BTG4: variants seen among roughly 807,000 people sequenced by gnomAD.
BTG4 encodes the protein protein BTG4.
A neutral mutation model predicts 19.3 loss-of-function variants in BTG4; 10 were observed. The observed-to-expected ratio is 0.52, with a 90% CI of 0.32 to 0.88. BTG4 has a LOEUF of 0.88. BTG4 is among the 40% of genes least tolerant of loss of function. BTG4 has a pLI of 0.04. For missense variants in BTG4, 238 were observed against 281.9 expected (o/e 0.84, Z 1.11); for synonymous variants, 91 against 95.7 (o/e 0.95, Z 0.29).
At chr11:111,514,520 T>A, upstream of BTG4, 4 of 489,688 alleles carry the variant, frequency 8.2e-6, no homozygotes, top group South Asian at 8.7e-5. Context: ...GAAGCTAAAC[T>A]ACTCCCCCAC....
chr11:111,387,909 C>A, the BTG4 span, among the ~76,000 whole-genome samples: 1 of 151,956 alleles, frequency 6.6e-6, no homozygotes, highest in African/African-American at 2.4e-5. Context: ...CATTACTGAG[C>A]ACCACACACT....
chr11:111,419,872 T>C, the BTG4 span, among the ~76,000 whole-genome samples: 1 of 152,254 alleles, frequency 6.6e-6, no homozygotes, highest in Non-Finnish European at 1.5e-5. Context: ...GGGTGCCAGT[T>C]GGCTAAGTGC....
chr11:111,391,058 A>G, the BTG4 span, among the ~76,000 whole-genome samples: 2 of 152,224 alleles, frequency 1.3e-5, no homozygotes, highest in Non-Finnish European at 2.9e-5. Flanking sequence ...AAAAACAGTA[A>G]TAGAGTATGT....
At chr11:111,475,122 C>T (rs532410067) in intron 5 of BTG4, 1 of 152,536 alleles carries the variant, frequency 6.6e-6, no homozygotes, top group Admixed American at 6.5e-5. Flanking sequence ...ATGGTAATCT[C>T]ATTTCAGTCT....
chr11:111,416,408 C>T, the BTG4 span: 3 of 151,978 alleles, frequency 2.0e-5, no homozygotes, highest in Admixed American at 1.3e-4. Context: ...GGTAGGTGTG[C>T]CTCTAATTTC....
the BTG4 span, among the ~76,000 whole-genome samples, chr11:111,387,272 C>T: frequency 2.0e-5 from 3 of 152,176 alleles, no homozygotes; most frequent in African/African-American, 7.2e-5. Context: ...AAGATTCAAA[C>T]CACCTCTCAT....
the BTG4 span, among the ~76,000 whole-genome samples, chr11:111,439,299 C>A: frequency 1.3e-5 from 2 of 152,234 alleles, no homozygotes; most frequent in African/African-American, 2.4e-5. Flanking sequence ...CTTTGCCCAG[C>A]GCATTGTGGC....
At chr11:111,394,060 T>G in the BTG4 span, among the ~76,000 whole-genome samples, 1 of 152,214 alleles carries the variant, frequency 6.6e-6, no homozygotes, top group Non-Finnish European at 1.5e-5. Flanking sequence ...AGATACTGCA[T>G]GAAAAGGCAC....
the BTG4 span, among the ~76,000 whole-genome samples, chr11:111,405,661 C>A: frequency 4.9e-4 from 75 of 152,152 alleles, no homozygotes; most frequent in South Asian, 1.0e-3. Context: ...GGAGGGCTAC[C>A]TGAAATTATG....
At chr11:111,396,006 G>A in the BTG4 span, among the ~76,000 whole-genome samples, 31 of 152,298 alleles carry the variant, frequency 2.0e-4, no homozygotes, top group East Asian at 1.2e-3. Flanking sequence ...CAGACCTGAC[G>A]CTGCTGTTGC....
chr11:111,423,720 C>A, the BTG4 span, among the ~76,000 whole-genome samples: 4 of 152,120 alleles, frequency 2.6e-5, no homozygotes, highest in Non-Finnish European at 5.9e-5. Flanking sequence ...ATGCCACCAC[C>A]CTCAAAAAAT....
chr11:111,401,074 A>C, the BTG4 span: 1 of 151,550 alleles, frequency 6.6e-6, no homozygotes, highest in Non-Finnish European at 1.5e-5. Context: ...AAAAAAAAAA[A>C]AAAAAAACAG....
At chr11:111,440,059 C>T in the BTG4 span, among the ~76,000 whole-genome samples, 2 of 152,194 alleles carry the variant, frequency 1.3e-5, no homozygotes, top group Non-Finnish European at 2.9e-5. Flanking sequence ...TAAGTCTGCT[C>T]TGTTGGCATT....
the BTG4 span, chr11:111,417,070 G>C: frequency 1.3e-5 from 2 of 152,168 alleles, no homozygotes; most frequent in African/African-American, 4.8e-5. Context: ...TGCAGCCCAC[G>C]GGGTTTTTGC....
At chr11:111,424,463 G>A in the BTG4 span, among the ~76,000 whole-genome samples, 1 of 152,218 alleles carries the variant, frequency 6.6e-6, no homozygotes, top group Non-Finnish European at 1.5e-5. Context: ...AATTTTTGCT[G>A]TAAGATGACA....
At chr11:111,411,547 T>G in the BTG4 span, among the ~76,000 whole-genome samples, 2 of 152,178 alleles carry the variant, frequency 1.3e-5, no homozygotes, top group African/African-American at 2.4e-5. Context: ...TTTCTTTTCC[T>G]TCATATCATG....
At chr11:111,468,024 C>T (rs1863822255) in intron 5 of BTG4, among the ~76,000 whole-genome samples, 1 of 152,176 alleles carries the variant, frequency 6.6e-6, no homozygotes, top group African/African-American at 2.4e-5. Context: ...CCTGGCAGTT[C>T]TTCAGATATG....
the BTG4 span, among the ~76,000 whole-genome samples, chr11:111,419,757 G>T: frequency 0.29 from 44,615 of 152,164 alleles, 6,731 homozygotes; most frequent in Admixed American, 0.33. Flanking sequence ...AGAGAGAGAG[G>T]CCTGGCAGCG....
the BTG4 span, among the ~76,000 whole-genome samples, chr11:111,393,131 T>G: frequency 1.3e-5 from 2 of 152,222 alleles, no homozygotes; most frequent in Non-Finnish European, 2.9e-5. Context: ...GGGATAGCAC[T>G]GTGGGCTGAT....
Sources: gnomAD v4.1 joint callset for allele counts (sites outside exome capture counted in the v4.1 genomes callset) on GRCh38, gnomAD v4.1.1 for gene constraint, MANE v1.5 for transcripts, NCBI Gene and HGNC (gene_info 2026-07-23, HGNC 2026-07-21) for gene names.